DCAF8L2: variants seen among roughly 807,000 people sequenced by gnomAD.
The protein encoded by DCAF8L2 is DDB1- and CUL4-associated factor 8-like protein 2.
For synonymous variants in DCAF8L2, 200 were observed against 190.9 expected (o/e 1.05, Z -0.39); for missense variants, 430 against 490.7 (o/e 0.88, Z 1.17).
chrX:27,734,952 T>C (rs1230667173), intron 4 of DCAF8L2, among the ~76,000 whole-genome samples: 1 of 111,887 alleles, frequency 8.9e-6, no homozygotes, highest in Admixed American at 9.5e-5. Flanking sequence ...CACTAAATTA[T>C]GCAACCAATA....
chrX:27,538,059 C>T, the DCAF8L2 span, among the ~76,000 whole-genome samples: 1,613 of 111,318 alleles, frequency 0.014, 13 homozygotes, highest in Non-Finnish European at 0.024. Context: ...AAAAAACCCT[C>T]CACCTCCCCA....
chrX:27,498,944 G>GTA, the DCAF8L2 span, among the ~76,000 whole-genome samples: 2 of 112,018 alleles, frequency 1.8e-5, no homozygotes, highest in African/African-American at 3.2e-5. Flanking sequence ...GTGTGTGTGT[G>GTA]TATATCTTTT....
At chrX:27,725,420 T>C (rs1374474424) in intron 4 of DCAF8L2, among the ~76,000 whole-genome samples, 3 of 111,127 alleles carry the variant, frequency 2.7e-5, no homozygotes, top group African/African-American at 9.7e-5. Flanking sequence ...GAGTTAATAA[T>C]AGCTAGAATT....
intron 2 of DCAF8L2, among the ~76,000 whole-genome samples, chrX:27,670,558 G>A (rs772004042): frequency 5.4e-5 from 6 of 111,490 alleles, no homozygotes; most frequent in South Asian, 7.5e-4. Flanking sequence ...TTTCATCACC[G>A]TTTAAAGAAT....
chrX:27,500,594 GA>G, the DCAF8L2 span, among the ~76,000 whole-genome samples: 1 of 111,617 alleles, frequency 9.0e-6, no homozygotes. Context: ...TGGGAATTAG[GA>G]GAGAAACACA....
intron 3 of DCAF8L2, among the ~76,000 whole-genome samples, chrX:27,686,141 G>A (rs954823177): frequency 1.6e-4 from 18 of 110,922 alleles, no homozygotes; most frequent in African/African-American, 4.9e-4. Context: ...GGGTGGGAGC[G>A]CAGTGTAGTA....
chrX:27,530,250 A>G, the DCAF8L2 span, among the ~76,000 whole-genome samples: 119 of 110,670 alleles, frequency 1.1e-3, 1 homozygote, highest in African/African-American at 3.8e-3. Flanking sequence ...CTGGAGTTCA[A>G]CAAAAAAAAC....
chrX:27,683,945 A>ATG (rs1930410459), intron 3 of DCAF8L2, among the ~76,000 whole-genome samples: 2 of 112,356 alleles, frequency 1.8e-5, no homozygotes, highest in Admixed American at 1.9e-4. Flanking sequence ...CTCAGAGCCT[A>ATG]TGTCTAACTT....
the DCAF8L2 span, among the ~76,000 whole-genome samples, chrX:27,509,035 G>A: frequency 9.0e-6 from 1 of 111,141 alleles, no homozygotes; most frequent in African/African-American, 3.3e-5. Flanking sequence ...ATAGAGAATG[G>A]TCACACAACC....
At chrX:27,561,463 T>A in the DCAF8L2 span, among the ~76,000 whole-genome samples, 26 of 111,822 alleles carry the variant, frequency 2.3e-4, no homozygotes, top group South Asian at 7.6e-4. Flanking sequence ...TTATATATAA[T>A]TGACCAATTC....
the DCAF8L2 span, among the ~76,000 whole-genome samples, chrX:27,501,222 T>C: frequency 1.0e-5 from 1 of 98,173 alleles, no homozygotes; most frequent in South Asian, 6.1e-4. Context: ...CCCCCACAGC[T>C]CCTCGTCCTA....
At chrX:27,690,168 A>G (rs2147253380) in intron 3 of DCAF8L2, among the ~76,000 whole-genome samples, 1 of 111,337 alleles carries the variant, frequency 9.0e-6, no homozygotes, top group Admixed American at 9.6e-5. Flanking sequence ...TGTGGTGTAA[A>G]TTTTGTACAT....
intron 1 of DCAF8L2, among the ~76,000 whole-genome samples, chrX:27,617,766 T>G (rs959922293): frequency 4.5e-5 from 5 of 111,702 alleles, no homozygotes; most frequent in Non-Finnish European, 9.4e-5. Flanking sequence ...TTAGGGAATT[T>G]TTAAAAAATC....
At chrX:27,518,567 G>A in the DCAF8L2 span, 8 of 288,460 alleles carry the variant, frequency 2.8e-5, no homozygotes, top group South Asian at 9.7e-5. Flanking sequence ...GTGAAACCCC[G>A]TCTCTACTAA....
chrX:27,682,139 G>A (rs1345126100), intron 3 of DCAF8L2, among the ~76,000 whole-genome samples: 4 of 110,357 alleles, frequency 3.6e-5, no homozygotes, highest in Admixed American at 9.7e-5. Flanking sequence ...AATTTATTTC[G>A]TTTTTTGTAG....
chrX:27,689,782 A>C (rs1930645682), intron 3 of DCAF8L2, among the ~76,000 whole-genome samples: 1 of 112,170 alleles, frequency 8.9e-6, no homozygotes, highest in African/African-American at 3.2e-5. Flanking sequence ...GAACAAGACA[A>C]TGTTCCTGTC....
intron 2 of DCAF8L2, among the ~76,000 whole-genome samples, chrX:27,674,512 T>C (rs767365448): frequency 7.2e-5 from 8 of 111,182 alleles, no homozygotes; most frequent in Non-Finnish European, 1.5e-4. Flanking sequence ...CAGCAGTAGT[T>C]AGTACCTCTG....
chrX:27,621,651 G>C lies in DCAF8L2; in HGVS notation c.-341-10228G>C, dbSNP rs140461313. Among the ~76,000 whole-genome samples, 4 of 111,251 alleles carry C rather than the reference G, an allele frequency of 3.6e-5. No homozygotes were observed. In the Admixed American group the frequency reaches 3.8e-4, roughly 11 times the overall value. On this transcript the variant is annotated intron_variant, in intron 1 of 4. Coordinates refer to ENST00000451261, the MANE Select transcript of DCAF8L2 (RefSeq NM_001353450.2). Reference sequence around the variant, plus strand: ...ACGTACACCCCCACACCCATACAGCGTGTATAAGATACCAGGTGTAGGCTA... The same window carrying C: ...ACGTACACCCCCACACCCATACAGCCTGTATAAGATACCAGGTGTAGGCTA...
chrX:27,592,086 C>T (rs1926116674), intron 1 of DCAF8L2, among the ~76,000 whole-genome samples: 1 of 112,662 alleles, frequency 8.9e-6, no homozygotes. Flanking sequence ...CTGCTGACCA[C>T]CGTGGTGAGA....
Sources: allele counts gnomAD v4.1 joint callset (sites outside exome capture counted in the v4.1 genomes callset), GRCh38; gene constraint gnomAD v4.1.1; transcripts MANE v1.5; gene names NCBI Gene and HGNC (gene_info 2026-07-23, HGNC 2026-07-21).